The following OR51B5 variants were observed in gnomAD, a reference collection of about 807,000 sequenced individuals.
The protein encoded by OR51B5 is olfactory receptor family 51 subfamily B member 5.
For missense variants in OR51B5, 456 were observed against 374.6 expected (o/e 1.22, Z -1.79); for synonymous variants, 186 against 144.8 (o/e 1.28, Z -2.04).
intron 1 of OR51B5, among the ~76,000 whole-genome samples, chr11:5,427,335 A>G (rs762212924): frequency 2.0e-5 from 3 of 151,666 alleles, no homozygotes; most frequent in Non-Finnish European, 4.4e-5. Context: ...GCCCCTACAC[A>G]TGTGTGCTGA....
chr11:5,408,116 G>T (rs1031442774), intron 1 of OR51B5, among the ~76,000 whole-genome samples: 2 of 151,976 alleles, frequency 1.3e-5, no homozygotes, highest in Non-Finnish European at 2.9e-5. Context: ...CTGAACTACA[G>T]CAATATCAAA....
At chr11:5,389,932 T>A (rs534046249) in intron 1 of OR51B5, 1 of 1,611,384 alleles carries the variant, frequency 6.2e-7, no homozygotes, top group Non-Finnish European at 8.5e-7. Context: ...TGAAGGCTTT[T>A]CCCTACTGTG....
intron 1 of OR51B5, among the ~76,000 whole-genome samples, chr11:5,375,957 A>G (rs1046865030): frequency 9.2e-5 from 14 of 152,142 alleles, no homozygotes; most frequent in African/African-American, 2.9e-4. Flanking sequence ...TGCACCAAGC[A>G]GACCTAATAG....
chr11:5,401,619 G>T (rs571829878), intron 1 of OR51B5, among the ~76,000 whole-genome samples: 4 of 152,220 alleles, frequency 2.6e-5, no homozygotes, highest in Admixed American at 2.0e-4. Context: ...TATAGACCTT[G>T]TCTTTGTATA....
At chr11:5,357,080 A>C (rs941848904) in intron 1 of OR51B5, among the ~76,000 whole-genome samples, 3 of 152,104 alleles carry the variant, frequency 2.0e-5, no homozygotes, top group African/African-American at 7.2e-5. Flanking sequence ...AATGAGCAAA[A>C]TAACCAGCTA....
At chr11:5,415,022 G>T (rs954235990) in intron 1 of OR51B5, among the ~76,000 whole-genome samples, 28 of 151,970 alleles carry the variant, frequency 1.8e-4, no homozygotes, top group Admixed American at 5.2e-4. Flanking sequence ...CACATAGTTG[G>T]CAGTAAAGCT....
intron 1 of OR51B5, among the ~76,000 whole-genome samples, chr11:5,442,539 G>C (rs544423143): frequency 6.6e-6 from 1 of 151,952 alleles, no homozygotes; most frequent in Non-Finnish European, 1.5e-5. Flanking sequence ...ATAAAGATGC[G>C]ATAACATTCT....
At chr11:5,413,808 T>C (rs1394868732) in intron 1 of OR51B5, among the ~76,000 whole-genome samples, 2 of 151,726 alleles carry the variant, frequency 1.3e-5, no homozygotes, top group Non-Finnish European at 2.9e-5. Context: ...TACATCTGAT[T>C]GGTGTACCTG....
At position 5,454,008 on chromosome 11, in the gene OR51B5, C is replaced by G. The variant is rs768134941; in HGVS notation, n.84+51561G>C. The G allele has an allele frequency of 5.0e-6, 8 of 1,614,010 alleles. No homozygotes were observed. The South Asian group carries it at 5.5e-5, about 11-fold the overall frequency. ...GCTGCCTATCTGCAGATCCAATGTT[C>G]TTTCTCACTCCTACTGCCTGCACCC... is the stretch of plus-strand genomic sequence containing the variant. On this transcript the variant is annotated intron_variant and non_coding_transcript_variant, in intron 1 of 4. Transcript: ENST00000415970.
intron 1 of OR51B5, among the ~76,000 whole-genome samples, chr11:5,430,436 A>G (rs1237105173): frequency 6.6e-6 from 1 of 152,236 alleles, no homozygotes; most frequent in Non-Finnish European, 1.5e-5. Flanking sequence ...AGAGAAAGTC[A>G]TGTACATGTG....
chr11:5,492,546 G>T (rs1483291816), intron 1 of OR51B5, among the ~76,000 whole-genome samples: 1 of 152,068 alleles, frequency 6.6e-6, no homozygotes, highest in African/African-American at 2.4e-5. Context: ...CTTTCTCTGT[G>T]TAAAGGCAAG....
intron 1 of OR51B5, among the ~76,000 whole-genome samples, chr11:5,399,361 A>G (rs1204832467): frequency 6.6e-6 from 1 of 152,206 alleles, no homozygotes; most frequent in Non-Finnish European, 1.5e-5. Flanking sequence ...AGAGATATAG[A>G]GTGGAGAGAA....
At chr11:5,390,177 T>A in intron 1 of OR51B5, 1 of 1,614,002 alleles carries the variant, frequency 6.2e-7, no homozygotes, top group Non-Finnish European at 8.5e-7. Context: ...CTCTGTGCTG[T>A]GCTAGTATTC....
intron 1 of OR51B5, among the ~76,000 whole-genome samples, chr11:5,484,311 C>G (rs1435640879): frequency 6.6e-6 from 1 of 152,136 alleles, no homozygotes; most frequent in African/African-American, 2.4e-5. Flanking sequence ...CCACTGTTTT[C>G]TAAAGGGAAA....
At chr11:5,494,248 C>A (rs2133817017) in intron 1 of OR51B5, among the ~76,000 whole-genome samples, 1 of 152,304 alleles carries the variant, frequency 6.6e-6, no homozygotes, top group African/African-American at 2.4e-5. Context: ...TTATTCAGAA[C>A]CACGTTTGCA....
chr11:5,453,778 G>A (rs777529437), intron 1 of OR51B5: 1 of 1,614,134 alleles, frequency 6.2e-7, no homozygotes. Flanking sequence ...TTTGATGCCT[G>A]TCTAATTCAG....
chr11:5,378,916 G>A (rs1345465249), intron 1 of OR51B5, among the ~76,000 whole-genome samples: 1 of 150,860 alleles, frequency 6.6e-6, no homozygotes, highest in East Asian at 1.9e-4. Flanking sequence ...ATTCCTCAGG[G>A]ATCTAGAACT....
intron 1 of OR51B5, among the ~76,000 whole-genome samples, chr11:5,461,253 G>A (rs7942600): frequency 0.041 from 6,261 of 152,276 alleles, 428 homozygotes; most frequent in African/African-American, 0.14. Context: ...AGAGGCTGCA[G>A]GCCAGGGGGT....
At chr11:5,429,135 C>A (rs1405771600) in intron 1 of OR51B5, among the ~76,000 whole-genome samples, 1 of 152,162 alleles carries the variant, frequency 6.6e-6, no homozygotes, top group Non-Finnish European at 1.5e-5. Context: ...CCATTTTCCA[C>A]ATTCTTATTA....
Sources: allele counts gnomAD v4.1 joint callset (sites outside exome capture counted in the v4.1 genomes callset), GRCh38; gene constraint gnomAD v4.1.1; transcripts MANE v1.5; gene names NCBI Gene and HGNC (gene_info 2026-07-23, HGNC 2026-07-21).